Variants in IFT43 observed in about 807,000 individuals in gnomAD.
The protein encoded by IFT43 is intraflagellar transport 43.
In IFT43, 33 loss-of-function variants were observed where a neutral mutation model predicts 32.3. The observed-to-expected ratio is 1.02, with a 90% CI of 0.77 to 1.37. The LOEUF (loss-of-function observed/expected upper bound fraction) is 1.37. IFT43 is among the 40% of genes most tolerant of loss of function. IFT43 has a pLI of 0.00. For missense variants in IFT43, 274 were observed against 265.9 expected (o/e 1.03, Z -0.21); for synonymous variants, 93 against 98.2 (o/e 0.95, Z 0.31).
Position 76,003,438 on chromosome 14 carries a change from C to G in IFT43, c.147+14461C>G, listed in dbSNP as rs142753938. Reference sequence around the variant, plus strand: ...GTCAGGAGTTCAGGACCAGCCTGGCCAACATAGTGAAACCCCGTCTCTACT... The same window carrying G: ...GTCAGGAGTTCAGGACCAGCCTGGCGAACATAGTGAAACCCCGTCTCTACT... On this transcript the variant is annotated intron_variant, in intron 2 of 8. Coordinates refer to ENST00000314067, the MANE Select transcript of IFT43 (RefSeq NM_001102564.3). Among the ~76,000 whole-genome samples the G allele has an allele frequency of 2.6e-5, 4 of 151,930 alleles. No individual in the cohort carries two copies. The East Asian group carries it at 7.7e-4, about 29-fold the overall frequency.
intron 2 of IFT43, among the ~76,000 whole-genome samples, chr14:76,006,423 T>C (rs74727742): frequency 0.014 from 2,056 of 152,264 alleles, 52 homozygotes; most frequent in African/African-American, 0.043. Context: ...CCTTACTCAT[T>C]TGAGAAAGGG....
chr14:76,003,495 A>G (rs2035927559), intron 2 of IFT43, among the ~76,000 whole-genome samples: 1 of 151,812 alleles, frequency 6.6e-6, no homozygotes, highest in African/African-American at 2.4e-5. Context: ...GCGTGGTGAC[A>G]CACGCCTGTA....
intron 2 of IFT43, among the ~76,000 whole-genome samples, chr14:76,015,907 TTGCA>T: frequency 6.6e-6 from 1 of 152,344 alleles, no homozygotes; most frequent in East Asian, 1.9e-4. Context: ...GGTTTTGGAT[TTGCA>T]TCTCTCTGAT....
intron 5 of IFT43, among the ~76,000 whole-genome samples, chr14:76,059,844 G>A (rs1331879985): frequency 6.6e-6 from 1 of 152,196 alleles, no homozygotes; most frequent in Non-Finnish European, 1.5e-5. Flanking sequence ...GGAAACGAAG[G>A]CATGGAGAGG....
intron 5 of IFT43, among the ~76,000 whole-genome samples, chr14:76,072,336 G>A (rs1248009021): frequency 6.6e-6 from 1 of 152,150 alleles, no homozygotes; most frequent in African/African-American, 2.4e-5. Context: ...CTGAAATTCC[G>A]CAGAGCATCA....
chr14:76,076,468 A>G, intron 5 of IFT43: 1 of 1,404,630 alleles, frequency 7.1e-7, no homozygotes, highest in African/African-American at 1.4e-5. Context: ...CCCAGGGGCC[A>G]GATTGGGGTG....
intron 3 of IFT43, among the ~76,000 whole-genome samples, chr14:76,056,747 C>T (rs576527693): frequency 1.0e-3 from 159 of 152,320 alleles, no homozygotes; most frequent in Admixed American, 2.3e-3. Context: ...AGTTTAACTT[C>T]ATGAGGACAA....
chr14:76,010,937 C>G (rs1348938367), intron 2 of IFT43, among the ~76,000 whole-genome samples: 2 of 150,178 alleles, frequency 1.3e-5, no homozygotes, highest in Non-Finnish European at 3.0e-5. Context: ...GCATCTCACT[C>G]TGTTGCCCAG....
intron 3 of IFT43, among the ~76,000 whole-genome samples, chr14:76,048,845 A>T (rs982249236): frequency 9.2e-5 from 14 of 152,308 alleles, no homozygotes; most frequent in African/African-American, 3.1e-4. Context: ...GCCTCCCAGG[A>T]GGCTGCCACA....
intron 2 of IFT43, among the ~76,000 whole-genome samples, chr14:75,999,139 A>G (rs939272544): frequency 7.4e-6 from 1 of 134,794 alleles, no homozygotes; most frequent in Non-Finnish European, 1.7e-5. Flanking sequence ...ACCAGTGATA[A>G]CAAAGAACTC....
chr14:75,998,682 T>C (rs532569220), intron 2 of IFT43, among the ~76,000 whole-genome samples: 3 of 152,294 alleles, frequency 2.0e-5, no homozygotes, highest in South Asian at 4.1e-4. Flanking sequence ...GAGCAGGTCC[T>C]ATTGGATTTA....
At chr14:75,989,347 C>T (rs1222459109) in intron 2 of IFT43, among the ~76,000 whole-genome samples, 1 of 151,982 alleles carries the variant, frequency 6.6e-6, no homozygotes, top group African/African-American at 2.4e-5. Flanking sequence ...ACATTGCTCT[C>T]GGTGGTGACC....
chr14:76,030,585 A>C (rs2036492474), intron 3 of IFT43, among the ~76,000 whole-genome samples: 1 of 152,198 alleles, frequency 6.6e-6, no homozygotes, highest in African/African-American at 2.4e-5. Context: ...AACACACATA[A>C]AGTAGTTTTA....
intron 2 of IFT43, among the ~76,000 whole-genome samples, chr14:75,999,032 G>T (rs955652255): frequency 6.6e-6 from 1 of 151,826 alleles, no homozygotes; most frequent in Non-Finnish European, 1.5e-5. Flanking sequence ...ACTATGCCTA[G>T]TTCCGACATC....
intron 5 of IFT43, among the ~76,000 whole-genome samples, chr14:76,063,933 G>A (rs1360916357): frequency 6.6e-6 from 1 of 152,184 alleles, no homozygotes; most frequent in East Asian, 1.9e-4. Flanking sequence ...CTCCCCAGAT[G>A]AATATTTGAC....
intron 5 of IFT43, among the ~76,000 whole-genome samples, chr14:76,066,586 A>C (rs1158400762): frequency 6.6e-6 from 1 of 152,226 alleles, no homozygotes; most frequent in Non-Finnish European, 1.5e-5. Context: ...TGAACTTAGA[A>C]TATCCAGTGG....
chr14:75,988,604 C>T (rs554168306), intron 1 of IFT43, among the ~76,000 whole-genome samples: 6 of 152,076 alleles, frequency 3.9e-5, no homozygotes, highest in African/African-American at 4.8e-5. Context: ...CTGCAACCTC[C>T]GCCTCCCAGG....
chr14:76,031,555 G>T (rs1047469479), intron 3 of IFT43, among the ~76,000 whole-genome samples: 1 of 152,154 alleles, frequency 6.6e-6, no homozygotes, highest in Non-Finnish European at 1.5e-5. Flanking sequence ...GAGGAGCTTT[G>T]TTTTCCTAAA....
At chr14:76,054,391 G>C (rs1490692029) in intron 3 of IFT43, among the ~76,000 whole-genome samples, 1 of 152,212 alleles carries the variant, frequency 6.6e-6, no homozygotes, top group African/African-American at 2.4e-5. Flanking sequence ...TAATCAACTG[G>C]TATCTTCCTT....
Sources: gnomAD v4.1 joint callset for allele counts (sites outside exome capture counted in the v4.1 genomes callset) on GRCh38, gnomAD v4.1.1 for gene constraint, MANE v1.5 for transcripts, NCBI Gene and HGNC (gene_info 2026-07-23, HGNC 2026-07-21) for gene names.